Variants in GRM7 observed in about 807,000 individuals in gnomAD.
GRM7 encodes glutamate metabotropic receptor 7.
In GRM7, 35 loss-of-function variants were observed where a neutral mutation model predicts 84.5. The ratio of observed to expected loss-of-function variants is 0.41; its 90% CI spans 0.32 to 0.55. The LOEUF (loss-of-function observed/expected upper bound fraction) is 0.55. Among genes scored for constraint, GRM7 ranks in the 20% least tolerant of loss-of-function variants. The probability of loss-of-function intolerance (pLI) is 0.19; values close to 1 mark genes in which losing one functional copy is unlikely to be tolerated. For missense variants in GRM7, 1,003 were observed against 1,194.6 expected, an observed-to-expected ratio of 0.84 and a Z score of 2.36; for synonymous variants, 487 against 455.1, an observed-to-expected ratio of 1.07 and a Z score of -0.89.
In GRM7 at chr3:7,508,735, G is replaced by T. The variant is rs545080957; in HGVS notation, c.1515+47013G>T. 4.6e-5 allele frequency among the ~76,000 whole-genome samples: 7 copies of T among 152,228 alleles called. No homozygotes were observed. The East Asian group carries it at 7.7e-4, about 17-fold the overall frequency. Reference sequence around the variant, plus strand: ...AAAATTAAGGAAGATGAAATAAGAGGTTCAGCATTCATAAAAACTTTGGGA... The same window carrying T: ...AAAATTAAGGAAGATGAAATAAGAGTTTCAGCATTCATAAAAACTTTGGGA... On this transcript the variant is annotated intron_variant, in intron 7 of 9. Transcript: ENST00000357716.
chr3:7,031,221 C>T (rs944668661), intron 1 of GRM7, among the ~76,000 whole-genome samples: 6 of 151,978 alleles, frequency 3.9e-5, no homozygotes, highest in African/African-American at 1.2e-4. Flanking sequence ...AGTATGTTTG[C>T]TGTCTTTTGC....
intron 8 of GRM7, among the ~76,000 whole-genome samples, chr3:7,657,773 G>A (rs1699268778): frequency 6.6e-6 from 1 of 152,052 alleles, no homozygotes; most frequent in African/African-American, 2.4e-5. Context: ...GATAATAGAG[G>A]GAAAACCTTA....
chr3:7,735,727 T>C (rs1246531003), intron 9 of GRM7, among the ~76,000 whole-genome samples: 1 of 152,200 alleles, frequency 6.6e-6, no homozygotes, highest in Non-Finnish European at 1.5e-5. Flanking sequence ...TAGTTCACTA[T>C]GGTCTGTATC....
intron 4 of GRM7, among the ~76,000 whole-genome samples, chr3:7,356,756 C>T (rs1471872676): frequency 6.6e-6 from 1 of 152,052 alleles, no homozygotes; most frequent in Non-Finnish European, 1.5e-5. Context: ...TTTGAGGGGT[C>T]TCAGGCCTTT....
At chr3:7,208,323 A>G (rs17825046) in intron 2 of GRM7, among the ~76,000 whole-genome samples, 40,409 of 152,104 alleles carry the variant, frequency 0.27, 6,892 homozygotes, top group Non-Finnish European at 0.38. Context: ...ATAAGGAGAC[A>G]GAAAGGTGAG....
intron 7 of GRM7, among the ~76,000 whole-genome samples, chr3:7,475,507 C>T (rs922555975): frequency 6.6e-6 from 1 of 151,942 alleles, no homozygotes; most frequent in African/African-American, 2.4e-5. Flanking sequence ...CTTTAAGTGC[C>T]GTTTACAGGA....
At chr3:7,289,630 T>C (rs1699548672) in intron 2 of GRM7, among the ~76,000 whole-genome samples, 1 of 152,062 alleles carries the variant, frequency 6.6e-6, no homozygotes, top group African/African-American at 2.4e-5. Context: ...AATGATAGAC[T>C]GGATTAAGAA....
At chr3:7,093,569 C>T (rs1401670038) in intron 1 of GRM7, among the ~76,000 whole-genome samples, 3 of 148,800 alleles carry the variant, frequency 2.0e-5, no homozygotes, top group Non-Finnish European at 4.5e-5. Flanking sequence ...CCCACCTACT[C>T]GGGGGGCTGA....
rs55868423 is a variant in GRM7 at position 7,512,586 on chromosome 3, A to ATT, written c.1515+50880_1515+50881dup. Among the ~76,000 whole-genome samples, 1,423 of 145,242 alleles carry ATT rather than the reference A, an allele frequency of 9.8e-3. 15 individuals carry two copies. Among genetic ancestry groups the ATT allele is most frequent in the Admixed American group, 0.015 (227 of 14,704 alleles). On this transcript the variant is annotated intron_variant, in intron 7 of 9. Coordinates refer to ENST00000357716, the MANE Select transcript of GRM7 (RefSeq NM_000844.4). ...GATCTTGTTTATGTTTTTGTTTTAG[A>ATT]TTTTTTTTTTTTTTTTTGAGCATTA...
chr3:7,404,191 C>T (rs1309478326), intron 4 of GRM7, among the ~76,000 whole-genome samples: 1 of 152,050 alleles, frequency 6.6e-6, no homozygotes, highest in Admixed American at 6.5e-5. Context: ...GGATAACTTC[C>T]TAGAAAGAGG....
chr3:6,958,788 T>A (rs907514232), intron 1 of GRM7, among the ~76,000 whole-genome samples: 1 of 152,142 alleles, frequency 6.6e-6, no homozygotes, highest in African/African-American at 2.4e-5. Context: ...AAAAATCTAT[T>A]TGATACCTAC....
intron 7 of GRM7, among the ~76,000 whole-genome samples, chr3:7,567,976 T>G (rs1025050620): frequency 3.9e-5 from 6 of 152,062 alleles, no homozygotes; most frequent in African/African-American, 1.4e-4. Flanking sequence ...TGAAAACAAC[T>G]CAGGAACGTA....
At chr3:7,459,780 C>A (rs1698165227) in intron 6 of GRM7, among the ~76,000 whole-genome samples, 1 of 152,046 alleles carries the variant, frequency 6.6e-6, no homozygotes. Context: ...CGTATCAGGG[C>A]ATTACCTGGA....
intron 1 of GRM7, among the ~76,000 whole-genome samples, chr3:7,088,045 T>C (rs879775831): frequency 6.6e-6 from 1 of 152,210 alleles, no homozygotes; most frequent in Non-Finnish European, 1.5e-5. Context: ...TCACTTTTCC[T>C]ATCCATAAAA....
intron 1 of GRM7, among the ~76,000 whole-genome samples, chr3:6,924,288 G>T (rs1299186929): frequency 6.6e-6 from 1 of 152,176 alleles, no homozygotes; most frequent in Admixed American, 6.5e-5. Context: ...ACTTCAAAGA[G>T]ATAGACAAAT....
At chr3:7,659,136 A>G (rs1657627237) in intron 8 of GRM7, among the ~76,000 whole-genome samples, 1 of 152,228 alleles carries the variant, frequency 6.6e-6, no homozygotes, top group Non-Finnish European at 1.5e-5. Flanking sequence ...AAGCCAAATG[A>G]AATGAACATT....
At chr3:6,872,085 A>G (rs1481243277) in intron 1 of GRM7, among the ~76,000 whole-genome samples, 1 of 152,162 alleles carries the variant, frequency 6.6e-6, no homozygotes, top group Non-Finnish European at 1.5e-5. Context: ...AGAGACATGG[A>G]AAGGAAATGT....
At chr3:6,867,323 C>T (rs1694971360) in intron 1 of GRM7, among the ~76,000 whole-genome samples, 1 of 152,140 alleles carries the variant, frequency 6.6e-6, no homozygotes, top group African/African-American at 2.4e-5. Flanking sequence ...AGCTTCGGGA[C>T]ATTCAAGACT....
chr3:7,000,125 A>G (rs17046523), intron 1 of GRM7, among the ~76,000 whole-genome samples: 18,203 of 149,594 alleles, frequency 0.12, 3,772 homozygotes, highest in African/African-American at 0.42. Flanking sequence ...ACTTTTTTTC[A>G]TCAATATAAA....
Sources: gnomAD v4.1 joint callset for allele counts (sites outside exome capture counted in the v4.1 genomes callset) on GRCh38, gnomAD v4.1.1 for gene constraint, MANE v1.5 for transcripts, NCBI Gene and HGNC (gene_info 2026-07-23, HGNC 2026-07-21) for gene names.